Variants in LRRC4C observed in about 807,000 individuals in gnomAD.
LRRC4C encodes the protein leucine-rich repeat-containing protein 4C.
LRRC4C carries 5 observed loss-of-function variants against 33.6 expected under a neutral mutation model. The ratio of observed to expected loss-of-function variants is 0.15; its 90% CI spans 0.08 to 0.31. The LOEUF (loss-of-function observed/expected upper bound fraction) is 0.31. LRRC4C is among the 10% of genes least tolerant of loss of function. The pLI is 1.00. For missense variants in LRRC4C, 560 were observed against 796.7 expected, an observed-to-expected ratio of 0.70 and a Z score of 3.58; for synonymous variants, 329 against 302.0, an observed-to-expected ratio of 1.09 and a Z score of -0.93.
At chr11:40,365,610 A>G (rs925172224) in intron 3 of LRRC4C, among the ~76,000 whole-genome samples, 1 of 151,870 alleles carries the variant, frequency 6.6e-6, no homozygotes, top group African/African-American at 2.4e-5. Flanking sequence ...TAACCAAACA[A>G]GAGGTGAGGG....
chr11:40,376,085 T>G (rs985901804), intron 3 of LRRC4C, among the ~76,000 whole-genome samples: 8 of 152,190 alleles, frequency 5.3e-5, no homozygotes, highest in Non-Finnish European at 1.2e-4. Flanking sequence ...AATCAAGGAA[T>G]TATTAGTAAT....
chr11:40,870,030 C>A (rs1190247197), intron 2 of LRRC4C, among the ~76,000 whole-genome samples: 1 of 152,074 alleles, frequency 6.6e-6, no homozygotes, highest in Admixed American at 6.6e-5. Context: ...GACTCAGATA[C>A]TTTCCACTGC....
chr11:40,675,112 A>C (rs1485202205), intron 2 of LRRC4C, among the ~76,000 whole-genome samples: 1 of 152,152 alleles, frequency 6.6e-6, no homozygotes, highest in Non-Finnish European at 1.5e-5. Flanking sequence ...TAGGTTTACT[A>C]TACATTTAAT....
chr11:40,134,955 T>C (rs1236032721), intron 6 of LRRC4C, among the ~76,000 whole-genome samples: 1 of 151,448 alleles, frequency 6.6e-6, no homozygotes, highest in Non-Finnish European at 1.5e-5. Context: ...AAACTCTCTT[T>C]AATTGAGTCT....
chr11:41,073,502 G>A (rs7130957), intron 1 of LRRC4C, among the ~76,000 whole-genome samples: 13,123 of 152,174 alleles, frequency 0.086, 586 homozygotes, highest in Non-Finnish European at 0.096. Flanking sequence ...CATGTGATTT[G>A]GTGGGGACAA....
intron 1 of LRRC4C, among the ~76,000 whole-genome samples, chr11:41,334,685 A>AT (rs1432958789): frequency 1.3e-5 from 2 of 152,126 alleles, no homozygotes; most frequent in Admixed American, 6.6e-5. Flanking sequence ...AAAATAAATA[A>AT]TTTTTTTAAA....
chr11:40,150,545 C>T (rs372860673), intron 5 of LRRC4C, among the ~76,000 whole-genome samples: 1 of 152,214 alleles, frequency 6.6e-6, no homozygotes, highest in Non-Finnish European at 1.5e-5. Flanking sequence ...GCCTCAAACT[C>T]CTGGCCTCAG....
intron 3 of LRRC4C, among the ~76,000 whole-genome samples, chr11:40,395,440 G>T (rs990431436): frequency 6.6e-6 from 1 of 152,048 alleles, no homozygotes; most frequent in African/African-American, 2.4e-5. Flanking sequence ...TAATAAAAGG[G>T]CATAAAATTA....
chr11:40,266,957 C>G (rs1227322421), intron 4 of LRRC4C, among the ~76,000 whole-genome samples: 2 of 126,262 alleles, frequency 1.6e-5, no homozygotes, highest in African/African-American at 5.9e-5. Context: ...ACCCACCCAC[C>G]CACCCACACA....
At chr11:40,999,394 C>A (rs1032643593) in intron 1 of LRRC4C, among the ~76,000 whole-genome samples, 1 of 152,062 alleles carries the variant, frequency 6.6e-6, no homozygotes, top group Non-Finnish European at 1.5e-5. Context: ...GTAGCATTTC[C>A]AAAATTATGT....
intron 5 of LRRC4C, among the ~76,000 whole-genome samples, chr11:40,189,913 C>A (rs761070814): frequency 1.1e-4 from 16 of 152,146 alleles, no homozygotes; most frequent in Non-Finnish European, 2.1e-4. Context: ...TAACAACTAG[C>A]CTTTGTTCTA....
intron 2 of LRRC4C, among the ~76,000 whole-genome samples, chr11:40,735,929 A>T (rs1200483337): frequency 1.3e-5 from 2 of 151,352 alleles, no homozygotes; most frequent in East Asian, 3.9e-4. Context: ...GCATTTTTTC[A>T]TGTGTTTTTT....
intron 3 of LRRC4C, among the ~76,000 whole-genome samples, chr11:40,562,614 C>T (rs1333080469): frequency 3.9e-5 from 6 of 152,072 alleles, no homozygotes; most frequent in Non-Finnish European, 2.9e-5. Flanking sequence ...CTATTCTATT[C>T]GAGACTAGAG....
intron 1 of LRRC4C, among the ~76,000 whole-genome samples, chr11:40,979,181 G>A (rs1222887117): frequency 1.3e-5 from 2 of 151,992 alleles, no homozygotes; most frequent in African/African-American, 4.8e-5. Flanking sequence ...TTTGCCATAA[G>A]TTCTCATAGA....
intron 3 of LRRC4C, among the ~76,000 whole-genome samples, chr11:40,540,992 A>G (rs538182322): frequency 6.6e-5 from 10 of 152,160 alleles, no homozygotes; most frequent in Non-Finnish European, 1.5e-4. Flanking sequence ...CACTCCTCAA[A>G]GCACCTATAG....
chr11:40,399,236 A>T (rs1322197228), intron 3 of LRRC4C, among the ~76,000 whole-genome samples: 1 of 152,150 alleles, frequency 6.6e-6, no homozygotes, highest in Non-Finnish European at 1.5e-5. Flanking sequence ...ATGCACACGT[A>T]TGTTTATTGT....
At chr11:40,191,807 A>G (rs944978542) in intron 5 of LRRC4C, among the ~76,000 whole-genome samples, 13 of 152,078 alleles carry the variant, frequency 8.5e-5, no homozygotes, top group Non-Finnish European at 1.3e-4. Flanking sequence ...CTAAAAATGA[A>G]AAATTAGCCA....
At chr11:41,446,629 A>G (rs1011147174) in intron 1 of LRRC4C, among the ~76,000 whole-genome samples, 3 of 152,162 alleles carry the variant, frequency 2.0e-5, no homozygotes, top group African/African-American at 7.2e-5. Context: ...TATAAGGCCT[A>G]TCCTTGTAGG....
At chr11:40,324,453 G>A (rs1945999078) in intron 3 of LRRC4C, among the ~76,000 whole-genome samples, 1 of 152,138 alleles carries the variant, frequency 6.6e-6, no homozygotes, top group Non-Finnish European at 1.5e-5. Context: ...AAATCTCATG[G>A]CGTTCCTTTT....
Sources: allele counts gnomAD v4.1 joint callset (sites outside exome capture counted in the v4.1 genomes callset), GRCh38; gene constraint gnomAD v4.1.1; transcripts MANE v1.5; gene names NCBI Gene and HGNC (gene_info 2026-07-23, HGNC 2026-07-21).